Variants in POLA2 observed in about 807,000 individuals in gnomAD.
The protein encoded by POLA2 is DNA polymerase alpha 2, accessory subunit.
A neutral mutation model predicts 82.8 loss-of-function variants in POLA2; 47 were observed. The ratio of observed to expected loss-of-function variants is 0.57; its 90% confidence interval spans 0.45 to 0.72. The LOEUF (loss-of-function observed/expected upper bound fraction) is 0.72, where lower values mean the gene tolerates loss of function less well. POLA2 is among the 30% of genes least tolerant of loss of function. POLA2 has a pLI of 0.00. For synonymous variants in POLA2, 287 were observed against 286.8 expected (o/e 1.00, Z -0.01); for missense variants, 634 against 728.1 (o/e 0.87, Z 1.49).
chr11:65,263,878 A>G (rs1949429091), intron 1 of POLA2, among the ~76,000 whole-genome samples: 1 of 152,062 alleles, frequency 6.6e-6, no homozygotes, highest in African/African-American at 2.4e-5. Context: ...TCAGAAATGT[A>G]TGTGGTAAGC....
intron 4 of POLA2, among the ~76,000 whole-genome samples, chr11:65,269,062 G>A (rs977638216): frequency 1.3e-5 from 2 of 152,184 alleles, no homozygotes; most frequent in Non-Finnish European, 2.9e-5. Flanking sequence ...GGTCAAGTAG[G>A]GTAGTGGAAA....
chr11:65,298,895 G>T (rs888696238), downstream of POLA2, among the ~76,000 whole-genome samples: 1 of 152,220 alleles, frequency 6.6e-6, no homozygotes, highest in African/African-American at 2.4e-5. Context: ...CTGGATACCA[G>T]TCGTGTGACT....
intron 17 of POLA2, among the ~76,000 whole-genome samples, 168 bp from the exon 18 acceptor site, chr11:65,296,948 CAAAA>C (rs547282942): frequency 1.7e-5 from 1 of 58,034 alleles, no homozygotes. Context: ...GACTCCATCT[CAAAA>C]AAAAAAAAAA....
At chr11:65,290,056 C>T (rs1027539314) in intron 13 of POLA2, among the ~76,000 whole-genome samples, 184 bp downstream of exon 13, 2 of 151,970 alleles carry the variant, frequency 1.3e-5, no homozygotes, top group Middle Eastern at 3.2e-3. Flanking sequence ...TGAGACCAGC[C>T]TGGCCAATAT....
downstream of POLA2, among the ~76,000 whole-genome samples, chr11:65,300,265 G>A (rs1949852512): frequency 6.6e-6 from 1 of 150,626 alleles, no homozygotes; most frequent in African/African-American, 2.4e-5. Context: ...GCGCAATCTC[G>A]GCTCACTGCA....
chr11:65,278,237 G>C (rs1949601761), intron 5 of POLA2, among the ~76,000 whole-genome samples: 1 of 152,066 alleles, frequency 6.6e-6, no homozygotes, highest in Non-Finnish European at 1.5e-5. Flanking sequence ...TAGACACTGG[G>C]GAAAATTGAT....
intron 1 of POLA2, among the ~76,000 whole-genome samples, chr11:65,265,712 A>G (rs1397581780): frequency 6.6e-6 from 1 of 152,186 alleles, no homozygotes; most frequent in East Asian, 1.9e-4. Flanking sequence ...TTCTGGGTTC[A>G]AACAGTCTGC....
chr11:65,265,861 A>G (rs1440829254), intron 1 of POLA2, among the ~76,000 whole-genome samples: 1 of 152,208 alleles, frequency 6.6e-6, no homozygotes, highest in Non-Finnish European at 1.5e-5. Context: ...AGGCGCCCCA[A>G]GACTCAAGCC....
chr11:65,279,072 A>C, intron 6 of POLA2, 149 bp downstream of exon 6: 1 of 648,070 alleles, frequency 1.5e-6, no homozygotes, highest in Non-Finnish European at 2.6e-6. Context: ...AGCCCTAGTA[A>C]TGGAGGGACA....
chr11:65,276,607 A>G (rs1171167609), intron 5 of POLA2, among the ~76,000 whole-genome samples: 1 of 152,058 alleles, frequency 6.6e-6, no homozygotes, highest in African/African-American at 2.4e-5. Flanking sequence ...CACGTCTCAT[A>G]TTAGAGAATT....
intron 4 of POLA2, among the ~76,000 whole-genome samples, chr11:65,272,466 C>T (rs1949531827): frequency 6.6e-6 from 1 of 152,148 alleles, no homozygotes. Context: ...AATATTTCAC[C>T]TGTACGATTG....
chr11:65,294,200 A>G lies in POLA2; in HGVS notation c.1292A>G (p.His431Arg), dbSNP rs762796260. ...VFVPSLRDVH[H>R]EPVYPQPPFS... ...GTCCCGTCATTGAGAGATGTGCACC[A>G]TGAGCCTGTGTACCCCCAGCCGCCT... Residue 431 changes from histidine (H) to arginine (R), a missense_variant, in exon 14 of 18, where the codon CAT (histidine) becomes CGT (arginine). Transcript: ENST00000265465. 3.7e-6 allele frequency: 6 copies of G among 1,614,066 alleles called. No individual in the cohort carries two copies. The highest frequency in any genetic ancestry group is 1.7e-5 in the Admixed American group (1 of 60,006).
chr11:65,294,189 A>G lies in POLA2; in HGVS notation c.1281A>G (p.Arg427=). The G allele has an allele frequency of 6.2e-7, 1 of 1,614,012 alleles. No individual in the cohort carries two copies. Among genetic ancestry groups the G allele is most frequent in the Non-Finnish European group, 8.5e-7 (1 of 1,180,010 alleles). The change falls in exon 14 of 18, where the codon AGA becomes AGG. Residue 427 remains arginine, a synonymous_variant. Coordinates refer to ENST00000265465, the MANE Select transcript of POLA2 (RefSeq NM_002689.4). The stretch of plus-strand genomic sequence containing the variant: ...ACCTTGTCTTTGTCCCGTCATTGAG[A>G]GATGTGCACCATGAGCCTGTGTACC... The part of the protein sequence containing the change: ...GSHLVFVPSL[R]DVHHEPVYPQ...
chr11:65,263,688 G>A (rs1308312783), intron 1 of POLA2, among the ~76,000 whole-genome samples: 4 of 152,008 alleles, frequency 2.6e-5, no homozygotes, highest in Non-Finnish European at 5.9e-5. Flanking sequence ...TTAGTCGGGC[G>A]TGGTGGCGCA....
chr11:65,297,326 C>G lies in POLA2; in HGVS notation c.*57C>G. 1 of 1,508,782 alleles carries G rather than the reference C, an allele frequency of 6.6e-7. No homozygotes were observed. Among genetic ancestry groups the G allele is most frequent in the Non-Finnish European group, 8.9e-7 (1 of 1,129,788 alleles). 93.5% of individuals were successfully genotyped at this position (1,508,782 alleles called of 1,614,324 possible). A position where few individuals can be genotyped will look rare whatever the true frequency, so the allele number is the denominator to read the frequency against. On this transcript the variant is annotated 3_prime_UTR_variant, in exon 18 of 18. Coordinates refer to ENST00000265465, the MANE Select transcript of POLA2 (RefSeq NM_002689.4). ...GGGCCCTTAAAGTCTTAGCCAAGAG[C>G]CAAGACATAGCCCTGTGACAAGGTG...
At chr11:65,264,897 A>G (rs1949441451) in intron 1 of POLA2, among the ~76,000 whole-genome samples, 1 of 152,070 alleles carries the variant, frequency 6.6e-6, no homozygotes, top group African/African-American at 2.4e-5. Context: ...TGTTGACCCT[A>G]CTTCCCACTC....
At chr11:65,298,979 C>T (rs1218136301), downstream of POLA2, among the ~76,000 whole-genome samples, 1 of 152,240 alleles carries the variant, frequency 6.6e-6, no homozygotes, top group Admixed American at 6.5e-5. Flanking sequence ...AAGCGGGATG[C>T]TAACACCAGA....
Position 65,262,135 on chromosome 11 carries a change from G to A in POLA2, c.-158G>A. ...TGACCGACGGCCGGGGCCTTCTGAC[G>A]GTCTGAGGTCTTGCTTGGGCCAGTC... On this transcript the variant is annotated 5_prime_UTR_variant, in exon 1 of 18. Transcript: ENST00000265465. 1.6e-6 allele frequency: 1 copy of A among 611,632 alleles called. No homozygotes were observed. The allele number at this position is 611,632 out of a possible 1,614,324, so 37.9% of individuals were successfully genotyped here.
At chr11:65,303,372 T>C, downstream of POLA2, among the ~76,000 whole-genome samples, 1 of 128,286 alleles carries the variant, frequency 7.8e-6, no homozygotes, top group East Asian at 2.3e-4. Context: ...CCGAAGAAGG[T>C]GGGGATGGGC....
Sources: gnomAD v4.1 joint callset for allele counts (sites outside exome capture counted in the v4.1 genomes callset) on GRCh38, gnomAD v4.1.1 for gene constraint, MANE v1.5 for transcripts, NCBI Gene and HGNC (gene_info 2026-07-23, HGNC 2026-07-21) for gene names.